The following HERC6 variants were observed in gnomAD, a reference collection of about 807,000 sequenced individuals.
HERC6 encodes the protein HECT and RLD domain containing E3 ubiquitin protein ligase family member 6, also known as probable E3 ubiquitin-protein ligase HERC6.
A neutral mutation model predicts 114.5 loss-of-function variants in HERC6; 101 were observed. That is an observed-to-expected ratio of 0.88 (90% CI 0.75 to 1.04). HERC6 has a LOEUF of 1.04. Among genes scored for constraint, HERC6 ranks in the 50% least tolerant of loss-of-function variants. The pLI is 0.00. For missense variants in HERC6, 1,133 were observed against 1,230.9 expected (o/e 0.92, Z 1.19); for synonymous variants, 408 against 436.2 (o/e 0.94, Z 0.81).
At chr4:88,397,588 C>T (rs1006088086) in intron 7 of HERC6, among the ~76,000 whole-genome samples, 1 of 151,394 alleles carries the variant, frequency 6.6e-6, no homozygotes, top group East Asian at 2.0e-4. Flanking sequence ...TCCCAGCTAC[C>T]TAGGAGGCTG....
chr4:88,398,430 A>AT (rs973297503), intron 8 of HERC6: 3 of 384,346 alleles, frequency 7.8e-6, no homozygotes, highest in African/African-American at 6.3e-5. Flanking sequence ...TTTCAGATTT[A>AT]TTTTTTCTTT....
chr4:88,385,168 C>T (rs926254496), intron 2 of HERC6, among the ~76,000 whole-genome samples: 1 of 152,102 alleles, frequency 6.6e-6, no homozygotes, highest in African/African-American at 2.4e-5. Flanking sequence ...AATTCTAAGG[C>T]CCTATACTAT....
intron 1 of HERC6, among the ~76,000 whole-genome samples, chr4:88,380,913 T>A (rs1388846936): frequency 2.0e-5 from 3 of 152,110 alleles, no homozygotes; most frequent in African/African-American, 7.2e-5. Flanking sequence ...CATGTCATTA[T>A]AGATTTGTAT....
At chr4:88,403,791 T>G (rs6825220) in intron 8 of HERC6, among the ~76,000 whole-genome samples, 2 of 152,010 alleles carry the variant, frequency 1.3e-5, no homozygotes, top group African/African-American at 4.8e-5. Context: ...AAAAAAATTT[T>G]AAAAAGGAAC....
chr4:88,435,907 G>GT lies in HERC6; in HGVS notation c.2417+22dup, dbSNP rs767548117. 1.3e-5 allele frequency: 20 copies of GT among 1,584,236 alleles called. No individual in the cohort carries two copies. The highest frequency in any genetic ancestry group is 2.3e-5 in the South Asian group (2 of 86,254). On this transcript the variant is annotated intron_variant, in intron 18 of 22. Transcript: ENST00000264346. ...GGTTGGGGAAGTAAGTAAATATAAC[G>GT]TTTTTTCAGGACCGTATCTAGTAAG...
At chr4:88,382,075 A>G (rs141731934) in intron 1 of HERC6, among the ~76,000 whole-genome samples, 8 of 152,170 alleles carry the variant, frequency 5.3e-5, no homozygotes, top group African/African-American at 1.9e-4. Flanking sequence ...CTCTAGAAAA[A>G]TGGTACCAAT....
intron 1 of HERC6, among the ~76,000 whole-genome samples, chr4:88,381,280 A>G (rs1344458216): frequency 6.6e-6 from 1 of 152,170 alleles, no homozygotes; most frequent in Non-Finnish European, 1.5e-5. Context: ...GACAGGAGAA[A>G]AAGCATACAA....
At chr4:88,440,620 G>GCC (rs1739248920) in intron 22 of HERC6, 1 of 165,302 alleles carries the variant, frequency 6.0e-6, no homozygotes, top group Non-Finnish European at 1.3e-5. Context: ...ATCTCTGGCA[G>GCC]CCCCTACCCC....
intron 13 of HERC6, among the ~76,000 whole-genome samples, chr4:88,423,628 C>T (rs376395601): frequency 3.0e-4 from 45 of 152,256 alleles, no homozygotes; most frequent in African/African-American, 9.9e-4. Context: ...AATTAGTTTA[C>T]TAATCCACAC....
At chr4:88,387,474 G>A (rs1380208088) in intron 3 of HERC6, among the ~76,000 whole-genome samples, 1 of 152,066 alleles carries the variant, frequency 6.6e-6, no homozygotes, top group African/African-American at 2.4e-5. Context: ...TTGAGTTCAG[G>A]GATTTTAAAT....
At chr4:88,381,186 G>T (rs1047300979) in intron 1 of HERC6, among the ~76,000 whole-genome samples, 2 of 152,132 alleles carry the variant, frequency 1.3e-5, no homozygotes, top group Non-Finnish European at 2.9e-5. Context: ...AGTTTCAAAA[G>T]GTGTGTGGAG....
At position 88,408,386 on chromosome 4, in the gene HERC6, T is replaced by A. The variant is rs114992683; in HGVS notation, c.1275-138T>A. The A allele has an allele frequency of 7.4e-3, 4,973 of 670,866 alleles. 33 individuals are homozygous for A. The highest frequency in any genetic ancestry group is 9.9e-3 in the Non-Finnish European group (3,697 of 372,742). The allele number at this position is 670,866 out of a possible 1,614,324, so 41.6% of individuals were successfully genotyped here. A position where few individuals can be genotyped will look rare whatever the true frequency, so the allele number is the denominator to read the frequency against. ...CTGTACATTTTTTATGTCAAGTAAG[T>A]TGATTATTTTGAAAGGAGGTAAGCT... is the stretch of plus-strand genomic sequence containing the variant. On this transcript the variant is annotated intron_variant, in intron 10 of 22. Coordinates refer to ENST00000264346, the MANE Select transcript of HERC6 (RefSeq NM_017912.4).
intron 12 of HERC6, among the ~76,000 whole-genome samples, chr4:88,415,492 T>C (rs1483393300): frequency 1.3e-5 from 2 of 152,218 alleles, no homozygotes; most frequent in Non-Finnish European, 2.9e-5. Context: ...CTGTAGTCTG[T>C]ATAAATTTCA....
chr4:88,437,300 A>C (rs1433845980), intron 19 of HERC6, among the ~76,000 whole-genome samples: 2 of 151,824 alleles, frequency 1.3e-5, no homozygotes, highest in Non-Finnish European at 2.9e-5. Flanking sequence ...CAAGTGATCC[A>C]CCTGTCTCAG....
chr4:88,423,770 T>C, intron 13 of HERC6, 90 bp from the exon 14 acceptor site: 1 of 485,142 alleles, frequency 2.1e-6, no homozygotes, highest in Non-Finnish European at 3.6e-6. Flanking sequence ...TCTTCTTATC[T>C]GTATAACAGC....
At chr4:88,400,563 C>T (rs1276726079) in intron 8 of HERC6, among the ~76,000 whole-genome samples, 2 of 152,058 alleles carry the variant, frequency 1.3e-5, no homozygotes, top group African/African-American at 4.8e-5. Flanking sequence ...CAACTGTGGT[C>T]TAAAAATATT....
At chr4:88,380,804 A>G (rs559807521) in intron 1 of HERC6, among the ~76,000 whole-genome samples, 1 of 151,830 alleles carries the variant, frequency 6.6e-6, no homozygotes, top group African/African-American at 2.4e-5. Context: ...CGAGAAAGCA[A>G]TCACCGTAGC....
intron 6 of HERC6, 135 bp from the exon 7 acceptor site, chr4:88,396,716 T>C (rs72879352): frequency 0.085 from 56,207 of 660,774 alleles, 3,590 homozygotes; most frequent in East Asian, 0.27. Flanking sequence ...ACACTGACAT[T>C]GTGATAAGGG....
chr4:88,386,174 G>T (rs1404638946), intron 3 of HERC6, among the ~76,000 whole-genome samples: 1 of 150,674 alleles, frequency 6.6e-6, no homozygotes, highest in Non-Finnish European at 1.5e-5. Flanking sequence ...AAGAGAAAAG[G>T]CACCCAATTT....
Sources: gnomAD v4.1 joint callset for allele counts (sites outside exome capture counted in the v4.1 genomes callset) on GRCh38, gnomAD v4.1.1 for gene constraint, MANE v1.5 for transcripts, NCBI Gene and HGNC (gene_info 2026-07-23, HGNC 2026-07-21) for gene names.